Variants in CIB1 observed in about 807,000 individuals in gnomAD.
CIB1 encodes calcium and integrin binding 1.
CIB1 carries 19 observed loss-of-function variants against 25.0 expected under a neutral mutation model. That is an observed-to-expected ratio of 0.76 (90% CI 0.53 to 1.12). CIB1 has a LOEUF of 1.12. Ranked by LOEUF, CIB1 falls within the 50% of genes most tolerant of loss-of-function variation. The pLI is 0.00. For missense variants in CIB1, 236 were observed against 242.6 expected, an observed-to-expected ratio of 0.97 and a Z score of 0.18; for synonymous variants, 104 against 98.5, an observed-to-expected ratio of 1.06 and a Z score of -0.33.
chr15:90,249,399 CGG>C, the CIB1 span: 8 of 152,318 alleles, frequency 5.3e-5, no homozygotes, highest in Non-Finnish European at 7.3e-5. Context: ...GCGTCGAGGC[CGG>C]CCAGCTCCAA....
At chr15:90,262,636 C>T in the CIB1 span, 1 of 1,511,408 alleles carries the variant, frequency 6.6e-7, no homozygotes, top group African/African-American at 1.4e-5. Flanking sequence ...TTTCCACCCA[C>T]TTGGCTTACA....
At chr15:90,238,905 A>G (rs796744780), upstream of CIB1, among the ~76,000 whole-genome samples, 65 of 152,324 alleles carry the variant, frequency 4.3e-4, no homozygotes, top group African/African-American at 1.6e-3. Flanking sequence ...CCTGAACAGC[A>G]TAGCAAGGCT....
At chr15:90,234,691 C>T (rs1488245537), upstream of CIB1, 1 of 152,188 alleles carries the variant, frequency 6.6e-6, no homozygotes. Context: ...TCGGTCCAGT[C>T]CAAGGCACTT....
At chr15:90,235,713 A>G (rs1596175101), upstream of CIB1, among the ~76,000 whole-genome samples, 1 of 151,560 alleles carries the variant, frequency 6.6e-6, no homozygotes, top group African/African-American at 2.4e-5. Context: ...GACTACAGGC[A>G]CCCGCCACCA....
intron 2 of CIB1, 66 bp from the exon 3 acceptor site, chr15:90,232,393 C>T: frequency 6.6e-7 from 1 of 1,515,394 alleles, no homozygotes; most frequent in South Asian, 1.3e-5. Flanking sequence ...CATTCCCACT[C>T]CTTGCCTGCT....
chr15:90,234,768 C>G (rs1175661161), upstream of CIB1, among the ~76,000 whole-genome samples: 1 of 152,172 alleles, frequency 6.6e-6, no homozygotes, highest in Non-Finnish European at 1.5e-5. Flanking sequence ...TCCATCTCAC[C>G]CCTAGACTGC....
At chr15:90,233,167 C>T (rs916447006) in intron 2 of CIB1, among the ~76,000 whole-genome samples, 1 of 152,228 alleles carries the variant, frequency 6.6e-6, no homozygotes, top group African/African-American at 2.4e-5. Flanking sequence ...TAAGCAGTTA[C>T]CAAACCTTTC....
At chr15:90,258,835 C>T in the CIB1 span, 1 of 1,614,138 alleles carries the variant, frequency 6.2e-7, no homozygotes, top group Non-Finnish European at 8.5e-7. Flanking sequence ...TTGTCAACCT[C>T]CGGGGCTGTG....
intron 4 of CIB1, 33 bp from the exon 5 acceptor site, chr15:90,231,246 G>A (rs748735632): frequency 2.4e-5 from 39 of 1,611,296 alleles, no homozygotes; most frequent in Non-Finnish European, 3.0e-5. Context: ...CAAAAGACAC[G>A]GTTGGGAGGG....
chr15:90,251,280 A>ATTTTTTTTTTTTTTTTTT, the CIB1 span, among the ~76,000 whole-genome samples: 10 of 109,496 alleles, frequency 9.1e-5, no homozygotes, highest in South Asian at 3.4e-4. Context: ...CGCATGGCAA[A>ATTTTTTTTTTTTTTTTTT]TTTTTTTTTT....
chr15:90,264,779 C>T, the CIB1 span: 2 of 1,536,088 alleles, frequency 1.3e-6, no homozygotes, highest in Non-Finnish European at 1.7e-6. Flanking sequence ...ATCAGTGCCA[C>T]CCACTTTAAC....
chr15:90,242,317 G>A, the CIB1 span: 64,061 of 248,580 alleles, frequency 0.26, 11,168 homozygotes, highest in East Asian at 0.63. Context: ...TATAGACAGC[G>A]TTTCACCATG....
At chr15:90,232,159 T>C in intron 3 of CIB1, 60 bp downstream of exon 3, 6 of 1,338,574 alleles carry the variant, frequency 4.5e-6, no homozygotes, top group Non-Finnish European at 5.3e-6. Context: ...CAGATGGAGT[T>C]AGGGGGTCTA....
chr15:90,264,569 C>A, the CIB1 span: 2 of 881,980 alleles, frequency 2.3e-6, no homozygotes, highest in Non-Finnish European at 3.4e-6. Context: ...AAAAGACATA[C>A]CATACCAATT....
chr15:90,252,935 G>A, the CIB1 span, among the ~76,000 whole-genome samples: 1 of 152,132 alleles, frequency 6.6e-6, no homozygotes, highest in African/African-American at 2.4e-5. Context: ...CCTGGGAGGC[G>A]GAGGTTGCAG....
chr15:90,261,616 C>T, the CIB1 span, among the ~76,000 whole-genome samples: 146 of 151,950 alleles, frequency 9.6e-4, no homozygotes, highest in African/African-American at 3.4e-3. Flanking sequence ...CCTGTCTCTA[C>T]TAAAAATACA....
chr15:90,242,857 A>T, the CIB1 span: 1 of 152,248 alleles, frequency 6.6e-6, no homozygotes, highest in Admixed American at 6.5e-5. Flanking sequence ...GCCTAAGAAG[A>T]AGGATGAAGA....
At chr15:90,256,098 T>C in the CIB1 span, 3 of 1,606,098 alleles carry the variant, frequency 1.9e-6, no homozygotes, top group South Asian at 2.2e-5. Context: ...CGGGAAAGCC[T>C]TGATGCACAG....
At chr15:90,239,919 T>C in the CIB1 span, among the ~76,000 whole-genome samples, 1 of 148,506 alleles carries the variant, frequency 6.7e-6, no homozygotes, top group Admixed American at 6.7e-5. Flanking sequence ...AGTGAGAACC[T>C]GTTTCAAAAT....
Sources: allele counts gnomAD v4.1 joint callset (sites outside exome capture counted in the v4.1 genomes callset), GRCh38; gene constraint gnomAD v4.1.1; transcripts MANE v1.5; gene names NCBI Gene and HGNC (gene_info 2026-07-23, HGNC 2026-07-21).